Variants in FAM98A observed in about 807,000 individuals in gnomAD.
The protein encoded by FAM98A is protein FAM98A.
A neutral mutation model predicts 62.9 loss-of-function variants in FAM98A; 25 were observed. The ratio of observed to expected loss-of-function variants is 0.40; its 90% CI spans 0.29 to 0.56. FAM98A has a LOEUF of 0.56. Among genes scored for constraint, FAM98A ranks in the 20% least tolerant of loss-of-function variants. FAM98A has a pLI of 0.51. For synonymous variants in FAM98A, 252 were observed against 228.6 expected (o/e 1.10, Z -0.92); for missense variants, 653 against 640.7 (o/e 1.02, Z -0.21).
chr2:33,588,556 A>G, intron 3 of FAM98A, 37 bp from the exon 4 acceptor site: 1 of 1,559,174 alleles, frequency 6.4e-7, no homozygotes, highest in Non-Finnish European at 8.8e-7. Context: ...AATGAGATAC[A>G]GCTATAGTTA....
intron 3 of FAM98A, chr2:33,589,048 AG>A (rs1658817598): frequency 6.6e-6 from 1 of 152,288 alleles, no homozygotes; most frequent in Non-Finnish European, 1.5e-5. Context: ...AGAAGCAGGA[AG>A]GCACCCCAGA....
intron 5 of FAM98A, 39 bp downstream of exon 5, chr2:33,587,201 A>C: frequency 8.0e-7 from 1 of 1,248,364 alleles, no homozygotes; most frequent in South Asian, 1.2e-5. Flanking sequence ...TAAACTCTAT[A>C]GTTCTTTACA....
chr2:33,592,080 T>C lies in FAM98A; in HGVS notation c.337A>G (p.Thr113Ala). Residue 113 changes from threonine to alanine, a missense_variant and splice_region_variant, in exon 3 of 8, where the codon ACA (threonine) becomes GCA (alanine). By Grantham distance (58) the Thr-to-Ala change is moderately conservative. Coordinates refer to ENST00000238823, the MANE Select transcript of FAM98A (RefSeq NM_015475.5). ...LIQKNCLLLL[T>A]YLISELEAAR... ...TATATTCTAGTAGCCATGAACTTACTGAGCAAGAGGAGGCAGTTCTTCTGA... is the reference window on the plus strand; with the variant it reads ...TATATTCTAGTAGCCATGAACTTACCGAGCAAGAGGAGGCAGTTCTTCTGA... 6.2e-7 allele frequency: 1 copy of C among 1,612,166 alleles called. No individual in the cohort carries two copies. Among genetic ancestry groups the C allele is most frequent in the Non-Finnish European group, 8.5e-7 (1 of 1,178,840 alleles).
Position 33,585,025 on chromosome 2 carries a change from T to A in FAM98A, c.1308A>T (p.Gly436=). Residue 436 remains glycine, a synonymous_variant, in exon 8 of 8, where the codon GGA becomes GGT. Coordinates refer to ENST00000238823, the MANE Select transcript of FAM98A (RefSeq NM_015475.5). ...FQTSSSYTGS[G]YQGGGYQQDN... ...CCTGCTGGTAGCCACCACCCTGGTATCCACTTCCTGTATATGAAGAAGATG... is the reference window on the plus strand; with the variant it reads ...CCTGCTGGTAGCCACCACCCTGGTAACCACTTCCTGTATATGAAGAAGATG... 6.2e-7 allele frequency: 1 copy of A among 1,614,114 alleles called. No individual in the cohort carries two copies. The highest frequency in any genetic ancestry group is 8.5e-7 in the Non-Finnish European group (1 of 1,180,018).
At position 33,595,478 on chromosome 2, in the gene FAM98A, T is replaced by C. The variant is rs774884238; in HGVS notation, c.202+11A>G. The C allele has an allele frequency of 3.1e-6, 5 of 1,597,696 alleles. No individual in the cohort carries two copies. In the African/African-American group the frequency reaches 5.4e-5, roughly 17 times the overall value. On this transcript the variant is annotated intron_variant, in intron 2 of 7. Coordinates refer to ENST00000238823, the MANE Select transcript of FAM98A (RefSeq NM_015475.5). ...TTTATACTTTGTACCTAAAAGTGAA[T>C]GTTTACTTACTGTTAGTTGCTTGCA... is the stretch of plus-strand genomic sequence containing the variant.
At chr2:33,587,918 G>A (rs1351208056) in intron 4 of FAM98A, among the ~76,000 whole-genome samples, 1 of 151,096 alleles carries the variant, frequency 6.6e-6, no homozygotes, top group East Asian at 1.9e-4. Flanking sequence ...TGAAGTGACT[G>A]GATTAAAAAA....
At position 33,585,697 on chromosome 2, in the gene FAM98A, T is replaced by C. The variant is rs778722425; in HGVS notation, c.721A>G (p.Ser241Gly). 1.2e-6 allele frequency: 2 copies of C among 1,608,968 alleles called. No homozygotes were observed. The highest frequency in any genetic ancestry group is 1.7e-5 in the Admixed American group (1 of 59,002). Residue 241 changes from serine (S) to glycine (G), a missense_variant and splice_region_variant, in exon 7 of 8, where the codon AGC becomes GGC. Physicochemically the swap from Ser to Gly is moderately conservative, Grantham distance 56. Coordinates refer to ENST00000238823, the MANE Select transcript of FAM98A (RefSeq NM_015475.5). ...QSFGWSDRAK[S>G]QTEKLAKVYQ... ...ACCTTGGCTAATTTTTCTGTCTGGC[T>C]CTGTTGAAAGAAAAGTGTTCAAAGA...
chr2:33,586,153 G>GA (rs934414292), intron 6 of FAM98A, among the ~76,000 whole-genome samples: 2 of 151,878 alleles, frequency 1.3e-5, no homozygotes, highest in Non-Finnish European at 2.9e-5. Flanking sequence ...TCATTTAGCT[G>GA]AAAAAAAACT....
chr2:33,597,051 T>C (rs1396358636), intron 1 of FAM98A, among the ~76,000 whole-genome samples: 4 of 152,208 alleles, frequency 2.6e-5, no homozygotes, highest in Non-Finnish European at 5.9e-5. Context: ...ACATGTAGTC[T>C]GGCATCTAGA....
intron 1 of FAM98A, among the ~76,000 whole-genome samples, chr2:33,598,495 A>G (rs1370549121): frequency 1.3e-5 from 2 of 152,218 alleles, no homozygotes; most frequent in African/African-American, 4.8e-5. Flanking sequence ...GAGAGACACA[A>G]TGCAAAACAA....
intron 3 of FAM98A, among the ~76,000 whole-genome samples, chr2:33,590,100 A>G (rs1677639351): frequency 6.6e-6 from 1 of 152,172 alleles, no homozygotes; most frequent in African/African-American, 2.4e-5. Context: ...TAAAACATCA[A>G]AAAGATGACC....
chr2:33,587,335 T>A lies in FAM98A; in HGVS notation c.523-15A>T, dbSNP rs775081607. ...GTTTCCTTTAACTGACACAAAAACA[T>A]AAATAAATGAATAAAAACTCTAAAA... On this transcript the variant is annotated splice_polypyrimidine_tract_variant and intron_variant, in intron 4 of 7. Coordinates refer to ENST00000238823, the MANE Select transcript of FAM98A (RefSeq NM_015475.5). 1.3e-6 allele frequency: 2 copies of A among 1,565,298 alleles called. No homozygotes were observed. The highest frequency in any genetic ancestry group is 4.5e-5 in the East Asian group (2 of 44,652).
At chr2:33,594,809 T>C (rs960937589) in intron 2 of FAM98A, among the ~76,000 whole-genome samples, 2 of 151,830 alleles carry the variant, frequency 1.3e-5, no homozygotes, top group African/African-American at 4.8e-5. Flanking sequence ...TAAGGGTGGG[T>C]TAACAGGTGA....
intron 2 of FAM98A, among the ~76,000 whole-genome samples, chr2:33,592,640 G>C (rs993359067): frequency 6.6e-6 from 1 of 152,166 alleles, no homozygotes. Flanking sequence ...CAAGTGCTGG[G>C]ATTACTACAG....
intron 3 of FAM98A, among the ~76,000 whole-genome samples, chr2:33,591,181 A>C (rs1265761581): frequency 2.0e-5 from 3 of 147,550 alleles, no homozygotes; most frequent in Non-Finnish European, 4.5e-5. Context: ...GCCTAAGTAT[A>C]ATGGCTATGA....
chr2:33,592,371 CT>C (rs934579988), intron 2 of FAM98A, among the ~76,000 whole-genome samples, 157 bp from the exon 3 acceptor site: 2 of 151,322 alleles, frequency 1.3e-5, no homozygotes, highest in East Asian at 1.9e-4. Flanking sequence ...AAAGTTTCTT[CT>C]TTTTTTTTCT....
In FAM98A at chr2:33,585,625, C is replaced by G. The variant is rs1677529931; in HGVS notation, c.793G>C (p.Val265Leu). The G allele has an allele frequency of 3.1e-6, 5 of 1,614,116 alleles. No individual in the cohort carries two copies. Among genetic ancestry groups the G allele is most frequent in the Non-Finnish European group, 4.2e-6 (5 of 1,180,032 alleles). The stretch of plus-strand genomic sequence containing the variant: ...TGCCTTGCAGCCAAAAGATGGGCAA[C>G]AGAAATAGTAGTTTTAGGGGATAAG... The part of the protein sequence containing the change: ...SVLSPKTTIS[V>L]AHLLAARQDL... The change falls in exon 7 of 8, where the codon GTT (valine) becomes CTT (leucine). Residue 265 changes from valine to leucine, a missense_variant. Val to Leu is a conservative substitution (Grantham distance 32, BLOSUM62 1). Transcript: ENST00000238823.
chr2:33,586,695 A>C lies in FAM98A; in HGVS notation c.604-17T>G, dbSNP rs1165530084. 1.3e-6 allele frequency: 2 copies of C among 1,511,158 alleles called. No individual in the cohort carries two copies. The highest frequency in any genetic ancestry group is 1.1e-5 in the South Asian group (1 of 89,094). The allele number at this position is 1,511,158 out of a possible 1,614,324, so 93.6% of individuals were successfully genotyped here. On this transcript the variant is annotated splice_polypyrimidine_tract_variant and intron_variant, in intron 5 of 7. Transcript: ENST00000238823. ...TATCTTTTCCTGAAGCAAAATTAAA[A>C]AGACTAGTTAGAGTTTAAATCTGCT...
intron 1 of FAM98A, among the ~76,000 whole-genome samples, chr2:33,595,993 T>A (rs1572420606): frequency 6.6e-6 from 1 of 152,194 alleles, no homozygotes; most frequent in Admixed American, 6.5e-5. Context: ...TAACAAGTAA[T>A]AGCTAATTAT....
Sources: gnomAD v4.1 joint callset for allele counts (sites outside exome capture counted in the v4.1 genomes callset) on GRCh38, gnomAD v4.1.1 for gene constraint, MANE v1.5 for transcripts, NCBI Gene and HGNC (gene_info 2026-07-23, HGNC 2026-07-21) for gene names.